The following CCDC198 variants were observed in gnomAD, a reference collection of about 807,000 sequenced individuals.
The protein encoded by CCDC198 is coiled-coil domain containing 198, also known as factor associated with metabolism and energy.
Under a neutral mutation model 35.6 loss-of-function variants are expected in CCDC198, and 18 were observed. The observed-to-expected ratio is 0.51, with a 90% CI of 0.35 to 0.75. The LOEUF is 0.75. Among genes scored for constraint, CCDC198 ranks in the 30% least tolerant of loss-of-function variants. The pLI, the probability that CCDC198 is intolerant of heterozygous loss-of-function variation, is 0.01. For missense variants in CCDC198, 365 were observed against 343.7 expected (o/e 1.06, Z -0.49); for synonymous variants, 119 against 113.4 (o/e 1.05, Z -0.31).
At chr14:57,492,655 A>G (rs1810348320) in intron 1 of CCDC198, among the ~76,000 whole-genome samples, 1 of 152,094 alleles carries the variant, frequency 6.6e-6, no homozygotes, top group Non-Finnish European at 1.5e-5. Flanking sequence ...AAATCATTCC[A>G]GGCAAGATTT....
chr14:57,474,309 G>C (rs1022206935), intron 5 of CCDC198, among the ~76,000 whole-genome samples: 1 of 152,150 alleles, frequency 6.6e-6, no homozygotes, highest in African/African-American at 2.4e-5. Flanking sequence ...CATTCATTGG[G>C]GCTCAGGAAT....
Position 57,493,792 on chromosome 14 carries a change from A to G in CCDC198, c.-77T>C. The G allele has an allele frequency of 9.0e-7, 1 of 1,106,098 alleles. No homozygotes were observed. The highest frequency in any genetic ancestry group is 1.3e-6 in the Non-Finnish European group (1 of 769,634). The allele number at this position is 1,106,098 out of a possible 1,614,324, so 68.5% of individuals were successfully genotyped here. On this transcript the variant is annotated 5_prime_UTR_variant, in exon 1 of 6. Transcript: ENST00000216445. ...CTTTAATATAGCTTATTTTAATCAA[A>G]GCATTTCAGAAGTTTACCCTCGCTT...
At chr14:57,471,715 TTATATATATATATAA>T (rs951847153) in intron 5 of CCDC198, 125 bp from the exon 6 acceptor site, 2 of 138,400 alleles carry the variant, frequency 1.4e-5, no homozygotes, top group East Asian at 1.5e-4. Flanking sequence ...GTTTGAAAAA[TTATATATATATATAA>T]TATATATATA....
At chr14:57,485,825 T>A (rs1049123208) in intron 2 of CCDC198, among the ~76,000 whole-genome samples, 1 of 152,186 alleles carries the variant, frequency 6.6e-6, no homozygotes, top group Non-Finnish European at 1.5e-5. Context: ...GTAATTTGCA[T>A]TTGTGGTGGG....
intron 1 of CCDC198, among the ~76,000 whole-genome samples, chr14:57,492,401 A>C (rs1176425824): frequency 3.9e-5 from 6 of 151,956 alleles, no homozygotes; most frequent in African/African-American, 1.2e-4. Context: ...AAAATCTTAA[A>C]ACTCTCAATG....
rs142502625 is a variant in CCDC198 at position 57,483,164 on chromosome 14, C to T, written c.307-13G>A. ...TGGGTTCAAGCTTCTAGAAGTTCAA[C>T]GTTTAGAGCAGTCAGCATTCCTCAT... On this transcript the variant is annotated splice_polypyrimidine_tract_variant and intron_variant, in intron 2 of 5. Coordinates refer to ENST00000216445, the MANE Select transcript of CCDC198 (RefSeq NM_018168.4). 322 of 1,613,938 alleles carry T rather than the reference C, an allele frequency of 2.0e-4. 1 individual carries two copies. In the African/African-American group the frequency reaches 3.2e-3, roughly 16 times the overall value.
chr14:57,493,610 T>G lies in CCDC198; in HGVS notation c.106A>C (p.Asn36His), dbSNP rs555016984. The change falls in exon 1 of 6, where the codon AAT becomes CAT. Residue 36 changes from asparagine (N) to histidine (H), a missense_variant. Asn to His is a moderately conservative substitution (Grantham distance 68). Coordinates refer to ENST00000216445, the MANE Select transcript of CCDC198 (RefSeq NM_018168.4). ...GAAGTCTTTTCTTCCAAATTCTGATTGAATGCAAAGTCCACACGGCCAGCC... is the reference window on the plus strand; with the variant it reads ...GAAGTCTTTTCTTCCAAATTCTGATGGAATGCAAAGTCCACACGGCCAGCC... ...PSAGRVDFAF[N>H]QNLEEKTSYS... 3 of 1,613,980 alleles carry G rather than the reference T, an allele frequency of 1.9e-6. No individual in the cohort carries two copies. Among genetic ancestry groups the G allele is most frequent in the Non-Finnish European group, 2.5e-6 (3 of 1,179,918 alleles).
rs530724434 is a variant in CCDC198 at position 57,492,795 on chromosome 14, A to G, written c.223+698T>C. On this transcript the variant is annotated intron_variant, in intron 1 of 5. Coordinates refer to ENST00000216445, the MANE Select transcript of CCDC198 (RefSeq NM_018168.4). ...ACATATATATATGTATATAATAAAC[A>G]TATATTTTTCTAAGTGAGAATGTCT... is the stretch of plus-strand genomic sequence containing the variant. 3.9e-5 allele frequency among the ~76,000 whole-genome samples: 6 copies of G among 152,222 alleles called. No individual in the cohort carries two copies. The South Asian group carries it at 1.2e-3, about 32-fold the overall frequency.
intron 2 of CCDC198, among the ~76,000 whole-genome samples, chr14:57,485,509 G>C (rs559444814): frequency 6.6e-6 from 1 of 152,190 alleles, no homozygotes; most frequent in Non-Finnish European, 1.5e-5. Context: ...CATTATTAAG[G>C]GGGTAGATTT....
At chr14:57,485,333 A>G (rs969493764) in intron 2 of CCDC198, among the ~76,000 whole-genome samples, 1 of 152,160 alleles carries the variant, frequency 6.6e-6, no homozygotes, top group Non-Finnish European at 1.5e-5. Flanking sequence ...GTGCCCAGGA[A>G]TAAGCTGGCC....
intron 4 of CCDC198, 82 bp downstream of exon 4, chr14:57,481,477 A>T: frequency 1.1e-6 from 1 of 935,276 alleles, no homozygotes. Flanking sequence ...AAGACTGGCT[A>T]TCTATGCTTG....
intron 1 of CCDC198, 51 bp from the exon 2 acceptor site, chr14:57,491,122 A>G (rs113158792): frequency 1.9e-6 from 3 of 1,563,636 alleles, no homozygotes; most frequent in Admixed American, 3.4e-5. Flanking sequence ...ATAATTTACT[A>G]TTAAATCAGG....
At chr14:57,483,533 G>C (rs562833964) in intron 2 of CCDC198, among the ~76,000 whole-genome samples, 41 of 152,324 alleles carry the variant, frequency 2.7e-4, no homozygotes, top group African/African-American at 9.1e-4. Context: ...TAGGTACCCA[G>C]CTGAACTATT....
chr14:57,483,584 G>A lies in CCDC198; in HGVS notation c.307-433C>T, dbSNP rs2139519581. Among the ~76,000 whole-genome samples the A allele has an allele frequency of 1.3e-5, 2 of 152,318 alleles. 1 individual carries two copies. The highest frequency in any genetic ancestry group is 4.1e-4 in the South Asian group (2 of 4,828). On this transcript the variant is annotated intron_variant, in intron 2 of 5. Coordinates refer to ENST00000216445, the MANE Select transcript of CCDC198 (RefSeq NM_018168.4). Reference sequence around the variant, plus strand: ...GCAATCTGTTTTTAAGATCTCTAGAGAAGCTCCTTAGTAGTAATCACTGGT... The same window carrying A: ...GCAATCTGTTTTTAAGATCTCTAGAAAAGCTCCTTAGTAGTAATCACTGGT...
At chr14:57,473,139 C>G (rs371329252) in intron 5 of CCDC198, among the ~76,000 whole-genome samples, 11 of 152,324 alleles carry the variant, frequency 7.2e-5, no homozygotes, top group East Asian at 3.9e-4. Flanking sequence ...TGGAAACAAG[C>G]ATTTTAATGT....
rs2067154774 is a variant in CCDC198 at position 57,480,737 on chromosome 14, CT to C, written c.512del (p.Lys171ArgfsTer36). On this transcript the variant is annotated frameshift_variant, in exon 5 of 6. Coordinates refer to ENST00000216445, the MANE Select transcript of CCDC198 (RefSeq NM_018168.4). LOFTEE classifies it high-confidence loss of function. ...RKRQEAQMEL[K>X]KSLHGEARIN... is the part of the protein sequence containing the mutation. ...TTCTTGCCTCTCCATGAAGACTTTT[CT>C]TTAACTCCATTTGGGCCTGAAAATC... 1 of 1,613,802 alleles carries C rather than the reference CT, an allele frequency of 6.2e-7. No individual in the cohort carries two copies. Among genetic ancestry groups the C allele is most frequent in the African/African-American group, 1.3e-5 (1 of 74,880 alleles).
In CCDC198 at chr14:57,481,557, A is replaced by T; in HGVS notation, c.495+2T>A. The T allele has an allele frequency of 1.2e-6, 2 of 1,601,214 alleles. No homozygotes were observed. Among genetic ancestry groups the T allele is most frequent in the Non-Finnish European group, 1.7e-6 (2 of 1,169,770 alleles). On this transcript the variant is annotated splice_donor_variant, in intron 4 of 5. Transcript: ENST00000216445. LOFTEE classifies it high-confidence loss of function. ...TAAATATGACACTCTTCTCGTATTT[A>T]CCTCTTGTCTTTTACGGATCATTTC...
chr14:57,481,442 A>G (rs2067181779), intron 4 of CCDC198, 117 bp downstream of exon 4: 1 of 679,056 alleles, frequency 1.5e-6, no homozygotes, highest in Non-Finnish European at 2.5e-6. Flanking sequence ...TTCAACCTCA[A>G]TGACGAAATT....
At position 57,480,665 on chromosome 14, in the gene CCDC198, T is replaced by G. The variant is rs1247499310; in HGVS notation, c.585A>C (p.Gln195His). ...PRDHKAKKTL[Q>H]STPRNDDHDL... ...CATGGTCATCATTCCTTGGGGTGCTTTGAAGGGTTTTCTTGGCTTTATGGT... is the reference window on the plus strand; with the variant it reads ...CATGGTCATCATTCCTTGGGGTGCTGTGAAGGGTTTTCTTGGCTTTATGGT... The change falls in exon 5 of 6, where the codon CAA (glutamine) becomes CAC (histidine). Residue 195 changes from glutamine to histidine, a missense_variant. Gln to His is a conservative substitution (Grantham distance 24). Coordinates refer to ENST00000216445, the MANE Select transcript of CCDC198 (RefSeq NM_018168.4). The G allele has an allele frequency of 6.2e-7, 1 of 1,614,064 alleles. No individual in the cohort carries two copies. The highest frequency in any genetic ancestry group is 8.5e-7 in the Non-Finnish European group (1 of 1,180,018).
Sources: gnomAD v4.1 joint callset for allele counts (sites outside exome capture counted in the v4.1 genomes callset) on GRCh38, gnomAD v4.1.1 for gene constraint, MANE v1.5 for transcripts, NCBI Gene and HGNC (gene_info 2026-07-23, HGNC 2026-07-21) for gene names.